DNM3: variants seen among roughly 807,000 people sequenced by gnomAD.
DNM3 encodes dynamin 3, also known as dynamin-3.
A neutral mutation model predicts 101.6 loss-of-function variants in DNM3; 47 were observed. The observed-to-expected ratio is 0.46, with a 90% CI of 0.37 to 0.59. The LOEUF is 0.59. Among genes scored for constraint, DNM3 ranks in the 20% least tolerant of loss-of-function variants. The pLI, the probability that DNM3 is intolerant of heterozygous loss-of-function variation, is 0.00. For synonymous variants in DNM3, 385 were observed against 387.9 expected, an observed-to-expected ratio of 0.99 and a Z score of 0.09; for missense variants, 849 against 1,085.7, an observed-to-expected ratio of 0.78 and a Z score of 3.06.
At chr1:172,029,159 A>G (rs970744921) in intron 4 of DNM3, among the ~76,000 whole-genome samples, 9 of 152,376 alleles carry the variant, frequency 5.9e-5, no homozygotes, top group African/African-American at 2.2e-4. Flanking sequence ...AAAAATCCTC[A>G]ATAAAATACT....
At chr1:172,313,935 A>G (rs2065190494) in intron 16 of DNM3, among the ~76,000 whole-genome samples, 1 of 151,854 alleles carries the variant, frequency 6.6e-6, no homozygotes, top group Admixed American at 6.6e-5. Flanking sequence ...TCCTAATGCT[A>G]TCCCTCCCCT....
In DNM3 at chr1:172,326,527, A is replaced by G. The variant is rs192318993; in HGVS notation, c.1893+3187A>G. Among the ~76,000 whole-genome samples the G allele has an allele frequency of 1.5e-4, 23 of 152,240 alleles. No homozygotes were observed. In the East Asian group the frequency reaches 4.1e-3, roughly 27 times the overall value. On this transcript the variant is annotated intron_variant, in intron 17 of 20. Coordinates refer to ENST00000627582, the MANE Select transcript of DNM3 (RefSeq NM_015569.5). Reference sequence around the variant, plus strand: ...TGTAAATCAGAATGTTATTTTCAGAATGGAGGCCTTAGGTAAAAAATTAAC... The same window carrying G: ...TGTAAATCAGAATGTTATTTTCAGAGTGGAGGCCTTAGGTAAAAAATTAAC...
chr1:172,008,933 A>G (rs2046902268), intron 4 of DNM3, among the ~76,000 whole-genome samples: 1 of 138,452 alleles, frequency 7.2e-6, no homozygotes, highest in South Asian at 2.1e-4. Context: ...TATTAATTAA[A>G]TATTAATAAA....
chr1:172,145,745 A>G (rs2057859697), intron 14 of DNM3, among the ~76,000 whole-genome samples: 1 of 152,134 alleles, frequency 6.6e-6, no homozygotes, highest in Admixed American at 6.5e-5. Flanking sequence ...GCTGTTAGGT[A>G]TAGCATTGTT....
At chr1:172,181,536 T>C (rs1161967474) in intron 14 of DNM3, among the ~76,000 whole-genome samples, 1 of 152,072 alleles carries the variant, frequency 6.6e-6, no homozygotes, top group Non-Finnish European at 1.5e-5. Flanking sequence ...AGAAACGAAC[T>C]ATGTGACTAT....
intron 1 of DNM3, among the ~76,000 whole-genome samples, chr1:171,906,941 G>C (rs955683834): frequency 1.3e-5 from 2 of 152,184 alleles, no homozygotes; most frequent in South Asian, 4.1e-4. Flanking sequence ...AGGTGGAGCT[G>C]AGATTTGAAC....
chr1:172,155,852 A>T (rs10911122), intron 14 of DNM3, among the ~76,000 whole-genome samples: 1 of 151,878 alleles, frequency 6.6e-6, no homozygotes, highest in African/African-American at 2.4e-5. Flanking sequence ...ATAAGTTTAG[A>T]TTTATCTAAA....
intron 14 of DNM3, among the ~76,000 whole-genome samples, chr1:172,181,970 G>T (rs2059364420): frequency 6.6e-6 from 1 of 152,018 alleles, no homozygotes. Flanking sequence ...CCTCATGTCT[G>T]TTTTTGGTGG....
intron 14 of DNM3, among the ~76,000 whole-genome samples, chr1:172,192,081 A>T (rs138885478): frequency 1.3e-5 from 2 of 152,280 alleles, no homozygotes; most frequent in African/African-American, 2.4e-5. Flanking sequence ...CCAGTTTTCA[A>T]AAGGAATGCT....
chr1:172,143,378 A>G (rs1037006922), intron 14 of DNM3, among the ~76,000 whole-genome samples: 3 of 152,170 alleles, frequency 2.0e-5, no homozygotes, highest in Admixed American at 1.3e-4. Flanking sequence ...GGATGAGGCA[A>G]TAACATTTTT....
chr1:172,381,398 A>T (rs2068895704), intron 18 of DNM3, among the ~76,000 whole-genome samples: 1 of 151,890 alleles, frequency 6.6e-6, no homozygotes, highest in Non-Finnish European at 1.5e-5. Context: ...TTTTGTATCT[A>T]CCAGAAGTTA....
intron 1 of DNM3, among the ~76,000 whole-genome samples, chr1:171,874,978 T>C (rs938399114): frequency 6.6e-6 from 1 of 152,062 alleles, no homozygotes; most frequent in African/African-American, 2.4e-5. Context: ...GCTCTGTCCA[T>C]GTTGCTGCAA....
intron 13 of DNM3, among the ~76,000 whole-genome samples, chr1:172,125,638 A>T (rs1458232892): frequency 5.9e-5 from 9 of 151,910 alleles, no homozygotes; most frequent in Non-Finnish European, 1.0e-4. Flanking sequence ...CAATAAATTT[A>T]AAAAAAACAG....
intron 13 of DNM3, among the ~76,000 whole-genome samples, chr1:172,127,383 T>C (rs1229580541): frequency 7.9e-6 from 1 of 126,154 alleles, no homozygotes; most frequent in East Asian, 2.2e-4. Context: ...TCTTACTCTC[T>C]ACTTATTATT....
intron 1 of DNM3, among the ~76,000 whole-genome samples, chr1:171,882,274 C>T (rs1312678511): frequency 2.2e-5 from 3 of 139,532 alleles, no homozygotes; most frequent in African/African-American, 8.2e-5. Context: ...ACCTGGGAGG[C>T]GGAGGTTGCG....
chr1:172,243,655 A>G (rs920692612), intron 14 of DNM3, among the ~76,000 whole-genome samples: 6 of 152,176 alleles, frequency 3.9e-5, no homozygotes, highest in African/African-American at 1.2e-4. Context: ...TCTTGAGACT[A>G]CTAGAACAGT....
chr1:172,270,646 G>T (rs2063048427), intron 15 of DNM3, among the ~76,000 whole-genome samples: 1 of 152,168 alleles, frequency 6.6e-6, no homozygotes, highest in Non-Finnish European at 1.5e-5. Context: ...TCAGCAAAGG[G>T]AACCGACATG....
intron 2 of DNM3, among the ~76,000 whole-genome samples, chr1:171,930,136 C>T (rs1190593770): frequency 6.6e-6 from 1 of 152,024 alleles, no homozygotes; most frequent in Non-Finnish European, 1.5e-5. Flanking sequence ...AATAGCCATG[C>T]TGTGCTGGGA....
intron 2 of DNM3, among the ~76,000 whole-genome samples, chr1:171,925,803 T>C (rs2040523497): frequency 6.6e-6 from 1 of 152,210 alleles, no homozygotes; most frequent in Non-Finnish European, 1.5e-5. Context: ...GGAGAAGTTT[T>C]TCCTAGGTTT....
Sources: gnomAD v4.1 joint callset for allele counts (sites outside exome capture counted in the v4.1 genomes callset) on GRCh38, gnomAD v4.1.1 for gene constraint, MANE v1.5 for transcripts, NCBI Gene and HGNC (gene_info 2026-07-23, HGNC 2026-07-21) for gene names.